ASTN2: variants seen among roughly 807,000 people sequenced by gnomAD.
ASTN2 encodes the protein astrotactin 2, also known as astrotactin-2.
ASTN2 carries 54 observed loss-of-function variants against 139.8 expected under a neutral mutation model. The ratio of observed to expected loss-of-function variants is 0.39; its 90% CI spans 0.31 to 0.48. The LOEUF is 0.48. Ranked by LOEUF, ASTN2 falls within the 20% of genes least tolerant of loss-of-function variation. The probability of loss-of-function intolerance (pLI) is 0.95; values close to 1 mark genes in which losing one functional copy is unlikely to be tolerated. For missense variants in ASTN2, 1,565 were observed against 1,725.1 expected, an observed-to-expected ratio of 0.91 and a Z score of 1.64; for synonymous variants, 756 against 719.5, an observed-to-expected ratio of 1.05 and a Z score of -0.81.
Position 116,901,112 on chromosome 9 carries a change from G to A in ASTN2, c.1890-37379C>T, listed in dbSNP as rs938445210. ...TGATTGTGTGTGTGTGTGTGTGTGT[G>A]CGCGTGTGCAAGTGTGTGAAAGCTG... On this transcript the variant is annotated intron_variant, in intron 10 of 22. Coordinates refer to ENST00000313400, the MANE Select transcript of ASTN2 (RefSeq NM_001365068.1). Among the ~76,000 whole-genome samples the A allele has an allele frequency of 2.0e-5, 3 of 148,634 alleles. No individual in the cohort carries two copies. The Admixed American group carries it at 2.0e-4, about 10-fold the overall frequency.
At chr9:116,544,022 G>A (rs1430669591) in intron 19 of ASTN2, among the ~76,000 whole-genome samples, 3 of 152,152 alleles carry the variant, frequency 2.0e-5, no homozygotes, top group Non-Finnish European at 4.4e-5. Context: ...TTCTAACACA[G>A]AGAACAGAAA....
intron 4 of ASTN2, among the ~76,000 whole-genome samples, chr9:117,120,014 GTGTGTATA>G (rs1328905704): frequency 2.8e-5 from 1 of 35,324 alleles, no homozygotes; most frequent in East Asian, 8.5e-4. Context: ...GTGTGTGTGT[GTGTGTATA>G]TATATATATA....
chr9:116,712,877 C>T (rs1396747984), intron 16 of ASTN2, among the ~76,000 whole-genome samples: 3 of 152,046 alleles, frequency 2.0e-5, no homozygotes, highest in Admixed American at 6.6e-5. Flanking sequence ...AGTGAGTTTC[C>T]ACGTTAGGAA....
At chr9:117,382,130 T>C (rs1830288761) in intron 1 of ASTN2, among the ~76,000 whole-genome samples, 2 of 152,182 alleles carry the variant, frequency 1.3e-5, no homozygotes, top group Non-Finnish European at 2.9e-5. Flanking sequence ...AACAATTCTA[T>C]TACTTGGGCT....
At chr9:117,378,085 T>G (rs1185611887) in intron 1 of ASTN2, among the ~76,000 whole-genome samples, 2 of 152,242 alleles carry the variant, frequency 1.3e-5, no homozygotes, top group East Asian at 3.8e-4. Context: ...GCTTTATATG[T>G]TAATTCTGTA....
chr9:117,301,537 C>A (rs1834875241), intron 1 of ASTN2, among the ~76,000 whole-genome samples: 2 of 152,252 alleles, frequency 1.3e-5, no homozygotes, highest in African/African-American at 4.8e-5. Context: ...TTTTCCAAAC[C>A]CTGATTCACA....
chr9:116,440,074 T>C (rs549998530), intron 22 of ASTN2, among the ~76,000 whole-genome samples: 13 of 152,314 alleles, frequency 8.5e-5, no homozygotes, highest in Middle Eastern at 3.4e-3. Flanking sequence ...TTAGTTCTGT[T>C]TGAATCATTC....
chr9:116,837,415 C>G (rs568122856), intron 11 of ASTN2, among the ~76,000 whole-genome samples: 1 of 152,098 alleles, frequency 6.6e-6, no homozygotes, highest in Admixed American at 6.6e-5. Context: ...GAAGACCTAG[C>G]GGGGAGGGAG....
intron 10 of ASTN2, among the ~76,000 whole-genome samples, chr9:116,871,024 C>T (rs771215283): frequency 3.3e-5 from 5 of 152,026 alleles, no homozygotes; most frequent in African/African-American, 4.8e-5. Flanking sequence ...ATTGGGAGGC[C>T]GAGACAGACA....
At chr9:116,439,406 T>TCTATTA (rs1847771844) in intron 22 of ASTN2, among the ~76,000 whole-genome samples, 3 of 139,924 alleles carry the variant, frequency 2.1e-5, no homozygotes, top group South Asian at 6.4e-4. Flanking sequence ...TTCACCGTTT[T>TCTATTA]AGCCGGGATG....
intron 13 of ASTN2, among the ~76,000 whole-genome samples, chr9:116,800,973 G>A (rs1327367602): frequency 6.6e-6 from 1 of 152,150 alleles, no homozygotes; most frequent in Non-Finnish European, 1.5e-5. Flanking sequence ...GGGTGATCTA[G>A]GCAGGGGCAG....
At chr9:117,233,421 T>C (rs1283514875) in intron 2 of ASTN2, among the ~76,000 whole-genome samples, 2 of 152,118 alleles carry the variant, frequency 1.3e-5, no homozygotes, top group African/African-American at 4.8e-5. Context: ...CTTCCCTGAC[T>C]CCCAGGGTGG....
chr9:116,712,856 G>T (rs1225192082), intron 16 of ASTN2, among the ~76,000 whole-genome samples: 1 of 152,116 alleles, frequency 6.6e-6, no homozygotes, highest in Non-Finnish European at 1.5e-5. Flanking sequence ...GTAAAAATGT[G>T]ACCTTGAGCA....
At chr9:117,331,480 C>T (rs1429871319) in intron 1 of ASTN2, among the ~76,000 whole-genome samples, 3 of 151,970 alleles carry the variant, frequency 2.0e-5, no homozygotes, top group African/African-American at 2.4e-5. Flanking sequence ...AATTGGGCTC[C>T]GAGGGTTAAA....
At chr9:117,229,018 A>AACAAC (rs920768784) in intron 2 of ASTN2, among the ~76,000 whole-genome samples, 6 of 151,518 alleles carry the variant, frequency 4.0e-5, no homozygotes, top group African/African-American at 1.5e-4. Context: ...AACAAAACAA[A>AACAAC]ACAAAACAAA....
intron 3 of ASTN2, among the ~76,000 whole-genome samples, chr9:117,169,127 T>C (rs900368639): frequency 5.3e-5 from 8 of 151,946 alleles, no homozygotes; most frequent in Admixed American, 2.6e-4. Context: ...GTAGTGATTA[T>C]AAATAGAGGT....
At chr9:116,467,990 C>T (rs1848701966) in intron 20 of ASTN2, among the ~76,000 whole-genome samples, 1 of 151,484 alleles carries the variant, frequency 6.6e-6, no homozygotes, top group Non-Finnish European at 1.5e-5. Context: ...CTACCTGGTG[C>T]AGAACCAAAT....
At chr9:116,608,388 A>G (rs1855325816) in intron 19 of ASTN2, among the ~76,000 whole-genome samples, 1 of 152,162 alleles carries the variant, frequency 6.6e-6, no homozygotes, top group Admixed American at 6.5e-5. Context: ...GCCATACTGT[A>G]AAACCTCAAA....
chr9:116,643,689 C>T (rs1444437294), intron 17 of ASTN2, among the ~76,000 whole-genome samples: 1 of 152,144 alleles, frequency 6.6e-6, no homozygotes, highest in Non-Finnish European at 1.5e-5. Context: ...GTTTTTGGCA[C>T]ATAGTACATA....
Sources: gnomAD v4.1 joint callset for allele counts (sites outside exome capture counted in the v4.1 genomes callset) on GRCh38, gnomAD v4.1.1 for gene constraint, MANE v1.5 for transcripts, NCBI Gene and HGNC (gene_info 2026-07-23, HGNC 2026-07-21) for gene names.